The following TGFA variants were observed in gnomAD, a reference collection of about 807,000 sequenced individuals.
TGFA encodes the protein transforming growth factor alpha, also known as protransforming growth factor alpha.
Under a neutral mutation model 21.7 loss-of-function variants are expected in TGFA, and 12 were observed. That is an observed-to-expected ratio of 0.55 (90% CI 0.35 to 0.90). The LOEUF (loss-of-function observed/expected upper bound fraction) is 0.90. Among genes scored for constraint, TGFA ranks in the 40% least tolerant of loss-of-function variants. The pLI is 0.01. For missense variants in TGFA, 178 were observed against 210.8 expected (o/e 0.84, Z 0.96); for synonymous variants, 79 against 88.1 (o/e 0.90, Z 0.58).
At chr2:70,540,268 T>C (rs1382359199) in intron 1 of TGFA, among the ~76,000 whole-genome samples, 1 of 152,208 alleles carries the variant, frequency 6.6e-6, no homozygotes, top group Non-Finnish European at 1.5e-5. Context: ...GTCCTGAATA[T>C]TTTCTGCCTT....
At chr2:70,537,319 C>G (rs781785516) in intron 1 of TGFA, among the ~76,000 whole-genome samples, 1 of 152,242 alleles carries the variant, frequency 6.6e-6, no homozygotes, top group African/African-American at 2.4e-5. Flanking sequence ...CTAGGCCAAT[C>G]AATAAACCTA....
chr2:70,506,980 T>C (rs1257262355), intron 2 of TGFA, among the ~76,000 whole-genome samples: 3 of 152,242 alleles, frequency 2.0e-5, no homozygotes, highest in African/African-American at 7.2e-5. Context: ...AAGAAGAGTT[T>C]GGATGAATAT....
chr2:70,546,515 C>G (rs1673308880), intron 1 of TGFA, among the ~76,000 whole-genome samples: 1 of 152,086 alleles, frequency 6.6e-6, no homozygotes, highest in Admixed American at 6.6e-5. Context: ...TGAGACAGGG[C>G]CAGGCTGGAG....
At chr2:70,475,533 T>C (rs1553494118) in intron 2 of TGFA, among the ~76,000 whole-genome samples, 1 of 152,138 alleles carries the variant, frequency 6.6e-6, no homozygotes, top group African/African-American at 2.4e-5. Flanking sequence ...TGTGTGGATG[T>C]GTGTGAGAGA....
intron 2 of TGFA, among the ~76,000 whole-genome samples, chr2:70,482,798 T>A (rs989624827): frequency 1.3e-5 from 2 of 152,180 alleles, no homozygotes; most frequent in African/African-American, 4.8e-5. Context: ...CTAAATCTGA[T>A]AAACTTTTCC....
chr2:70,547,324 G>A (rs1477125858), intron 1 of TGFA, among the ~76,000 whole-genome samples: 1 of 152,114 alleles, frequency 6.6e-6, no homozygotes, highest in Non-Finnish European at 1.5e-5. Context: ...GCTGGGCACG[G>A]TGGCTCATGC....
chr2:70,463,421 A>G lies in TGFA; in HGVS notation c.215+2195T>C, dbSNP rs150393658. Among the ~76,000 whole-genome samples the G allele has an allele frequency of 1.5e-3, 227 of 152,260 alleles. 2 individuals are homozygous for G. Among genetic ancestry groups the G allele is most frequent in the African/African-American group, 5.2e-3 (215 of 41,552 alleles). On this transcript the variant is annotated intron_variant, in intron 3 of 5. Transcript: ENST00000295400. The stretch of plus-strand genomic sequence containing the variant: ...GGGCCAAGAGCAAGGCTTGGGACTG[A>G]GGGGAATGGGAGAGCAGTCACCCAC...
At chr2:70,505,234 T>C (rs1376345706) in intron 2 of TGFA, among the ~76,000 whole-genome samples, 2 of 152,180 alleles carry the variant, frequency 1.3e-5, no homozygotes, top group African/African-American at 4.8e-5. Context: ...CTCTGTGGGG[T>C]CTCACACAAT....
chr2:70,544,240 T>A (rs1673225292), intron 1 of TGFA, among the ~76,000 whole-genome samples: 1 of 152,002 alleles, frequency 6.6e-6, no homozygotes, highest in African/African-American at 2.4e-5. Context: ...TACTGCCTTT[T>A]AAGAAACCAT....
chr2:70,542,974 G>A (rs578192304), intron 1 of TGFA, among the ~76,000 whole-genome samples: 37 of 151,738 alleles, frequency 2.4e-4, no homozygotes, highest in Non-Finnish European at 4.6e-4. Context: ...GTAGTGGCGG[G>A]CGCCTGTAAT....
chr2:70,548,219 A>T (rs1553506304), intron 1 of TGFA, among the ~76,000 whole-genome samples: 2 of 152,184 alleles, frequency 1.3e-5, no homozygotes, highest in Non-Finnish European at 2.9e-5. Flanking sequence ...AGTATCCTGC[A>T]CTGGGTCCCC....
chr2:70,454,976 C>T (rs782335450), intron 4 of TGFA, among the ~76,000 whole-genome samples: 2 of 152,212 alleles, frequency 1.3e-5, no homozygotes, highest in East Asian at 3.9e-4. Flanking sequence ...TGGGGCAGCA[C>T]ACACAGCTAC....
chr2:70,521,606 G>GTTTTTT (rs1559133439), intron 1 of TGFA, among the ~76,000 whole-genome samples: 1 of 98,220 alleles, frequency 1.0e-5, no homozygotes, highest in Non-Finnish European at 2.0e-5. Context: ...TTTTTTTGTT[G>GTTTTTT]TTGTTTGTTT....
chr2:70,530,548 G>T (rs895120724), intron 1 of TGFA, among the ~76,000 whole-genome samples: 1 of 152,272 alleles, frequency 6.6e-6, no homozygotes, highest in African/African-American at 2.4e-5. Context: ...ATGAATTTGT[G>T]TTGGGCCACA....
intron 3 of TGFA, among the ~76,000 whole-genome samples, chr2:70,465,125 G>A (rs926087022): frequency 1.3e-5 from 2 of 152,194 alleles, no homozygotes; most frequent in Admixed American, 6.5e-5. Context: ...TTATTTCTAA[G>A]TCGCTTCTGG....
intron 1 of TGFA, among the ~76,000 whole-genome samples, chr2:70,551,237 AAC>A (rs1553506787): frequency 6.6e-6 from 1 of 152,202 alleles, no homozygotes; most frequent in Non-Finnish European, 1.5e-5. Context: ...TTGCTCCGTG[AAC>A]ACAGAGGAGG....
chr2:70,503,772 GAAGCGGAAATC>G (rs1553499588), intron 2 of TGFA, among the ~76,000 whole-genome samples: 4 of 152,190 alleles, frequency 2.6e-5, no homozygotes, highest in African/African-American at 9.6e-5. Flanking sequence ...ATGTTAATGA[GAAGCGGAAATC>G]AAGCGATCCA....
intron 2 of TGFA, among the ~76,000 whole-genome samples, chr2:70,491,348 G>C (rs1195080277): frequency 1.3e-5 from 2 of 152,172 alleles, no homozygotes; most frequent in Non-Finnish European, 2.9e-5. Flanking sequence ...GTGGCTTTCA[G>C]TTCAGTAAAG....
At chr2:70,549,986 C>G (rs1264821474) in intron 1 of TGFA, among the ~76,000 whole-genome samples, 1 of 152,150 alleles carries the variant, frequency 6.6e-6, no homozygotes, top group Non-Finnish European at 1.5e-5. Flanking sequence ...AAACATGTGT[C>G]CTAGGAAAAC....
Sources: gnomAD v4.1 joint callset for allele counts (sites outside exome capture counted in the v4.1 genomes callset) on GRCh38, gnomAD v4.1.1 for gene constraint, MANE v1.5 for transcripts, NCBI Gene and HGNC (gene_info 2026-07-23, HGNC 2026-07-21) for gene names.